Variants in STX6 observed in about 807,000 individuals in gnomAD.
The protein encoded by STX6 is syntaxin 6, also known as syntaxin-6.
STX6 carries 23 observed loss-of-function variants against 38.0 expected under a neutral mutation model. That is an observed-to-expected ratio of 0.60 (90% CI 0.43 to 0.86). STX6 has a LOEUF of 0.86. STX6 is among the 40% of genes least tolerant of loss of function. The pLI, the probability that STX6 is intolerant of heterozygous loss-of-function variation, is 0.00. For synonymous variants in STX6, 123 were observed against 107.5 expected, an observed-to-expected ratio of 1.14 and a Z score of -0.89; for missense variants, 274 against 312.9, an observed-to-expected ratio of 0.88 and a Z score of 0.94.
chr1:181,002,367 T>C (rs554710049), intron 3 of STX6, among the ~76,000 whole-genome samples: 2 of 152,146 alleles, frequency 1.3e-5, no homozygotes, highest in South Asian at 4.1e-4. Flanking sequence ...TTGCCCGGAC[T>C]GGTTTCAAAC....
At chr1:180,989,552 GA>G (rs1225295399) in intron 5 of STX6, among the ~76,000 whole-genome samples, 1 of 151,562 alleles carries the variant, frequency 6.6e-6, no homozygotes, top group Non-Finnish European at 1.5e-5. Context: ...AAAAATGAGA[GA>G]TCTTTCTGAA....
In STX6 at chr1:181,022,644, C is replaced by T; in HGVS notation, c.30G>A (p.Val10=). Residue 10 remains valine (V), a synonymous_variant, in exon 1 of 8, where the codon GTG becomes GTA. Coordinates refer to ENST00000258301, the MANE Select transcript of STX6 (RefSeq NM_005819.6). ...AGCGCTCGGCCGACACTCACCCTTT[C>T]ACCACAAAGAAGGGGTCCTCCATGG... MSMEDPFFV[V]KGEVQKAVNT... The T allele has an allele frequency of 6.2e-7, 1 of 1,610,590 alleles. No individual in the cohort carries two copies. Among genetic ancestry groups the T allele is most frequent in the Middle Eastern group, 1.7e-4 (1 of 6,058 alleles).
In STX6 at chr1:181,002,679, C is replaced by T; in HGVS notation, c.227G>A (p.Arg76Lys). The change falls in exon 3 of 8, where the codon AGA becomes AAA. Residue 76 changes from arginine (R) to lysine (K), a missense_variant. By Grantham distance (26) the Arg-to-Lys change is conservative. Transcript: ENST00000258301. Reference sequence around the variant, plus strand: ...TTCAGTTGCATCAAGGTTAAATTTTCTAGGATTTGCTTCAACTATGCGTAG... The same window carrying T: ...TTCAGTTGCATCAAGGTTAAATTTTTTAGGATTTGCTTCAACTATGCGTAG... ...ETISIVEANP[R>K]KFNLDATELS... 1 of 1,613,382 alleles carries T rather than the reference C, an allele frequency of 6.2e-7. No individual in the cohort carries two copies. The highest frequency in any genetic ancestry group is 8.5e-7 in the Non-Finnish European group (1 of 1,179,502).
chr1:181,020,239 A>G (rs776582897), intron 1 of STX6, among the ~76,000 whole-genome samples: 1 of 152,178 alleles, frequency 6.6e-6, no homozygotes, highest in African/African-American at 2.4e-5. Flanking sequence ...TATTTAATGA[A>G]CTTTAAATAC....
intron 5 of STX6, 165 bp from the exon 6 acceptor site, chr1:180,988,510 C>T (rs1276189612): frequency 7.0e-6 from 4 of 570,438 alleles, no homozygotes; most frequent in Non-Finnish European, 6.3e-6. Flanking sequence ...GAACACACTG[C>T]TCAAAAGGCT....
chr1:181,020,125 G>C (rs185310341), intron 1 of STX6, among the ~76,000 whole-genome samples: 3 of 152,144 alleles, frequency 2.0e-5, no homozygotes, highest in Admixed American at 2.0e-4. Context: ...TGAGGTGCAA[G>C]AATCGCTTGA....
intron 1 of STX6, 56 bp downstream of exon 1, chr1:181,022,583 G>C: frequency 6.4e-7 from 1 of 1,568,080 alleles, no homozygotes; most frequent in South Asian, 1.2e-5. Flanking sequence ...CCTAGGAGGT[G>C]CGGGCAGGCA....
At chr1:180,978,314 C>G (rs1178626159) in intron 7 of STX6, among the ~76,000 whole-genome samples, 1 of 152,162 alleles carries the variant, frequency 6.6e-6, no homozygotes, top group Non-Finnish European at 1.5e-5. Context: ...CAGATGCATA[C>G]AGAGAATCAC....
rs890250725 is a variant in STX6 at position 181,006,991 on chromosome 1, C to T, written c.36-1528G>A. Among the ~76,000 whole-genome samples, 25 of 152,160 alleles carry T rather than the reference C, an allele frequency of 1.6e-4. 1 individual carries two copies. The highest frequency in any genetic ancestry group is 5.1e-4 in the African/African-American group (21 of 41,436). ...AGACTTTCAGTGCTAATGAGAAACC[C>T]TATTTAAGATAAAATGGGGAAGAAT... On this transcript the variant is annotated intron_variant, in intron 1 of 7. Transcript: ENST00000258301.
At chr1:180,988,197 C>T in intron 6 of STX6, 42 bp downstream of exon 6, 1 of 1,466,018 alleles carries the variant, frequency 6.8e-7, no homozygotes, top group Non-Finnish European at 9.6e-7. Flanking sequence ...ATGGCTCTGC[C>T]CCTCAATTTC....
intron 7 of STX6, among the ~76,000 whole-genome samples, chr1:180,978,529 C>T (rs1399985663): frequency 6.6e-6 from 1 of 152,178 alleles, no homozygotes; most frequent in African/African-American, 2.4e-5. Context: ...AGGAGCTTGA[C>T]CAGGTTCTCA....
intron 3 of STX6, among the ~76,000 whole-genome samples, chr1:181,001,724 G>A (rs753148401): frequency 2.6e-5 from 4 of 152,190 alleles, no homozygotes; most frequent in Admixed American, 1.3e-4. Context: ...CAATTGTTTT[G>A]TTCGTCAAGA....
chr1:180,978,445 AAAAC>A (rs748767358), intron 7 of STX6, among the ~76,000 whole-genome samples: 6 of 152,312 alleles, frequency 3.9e-5, no homozygotes, highest in Middle Eastern at 6.8e-3. Flanking sequence ...TCTGAGATGA[AAAAC>A]AAACAAACAA....
At chr1:181,002,746 A>C in intron 2 of STX6, 46 bp from the exon 3 acceptor site, 1 of 1,311,020 alleles carries the variant, frequency 7.6e-7, no homozygotes, top group Non-Finnish European at 1.1e-6. Context: ...TCAAAGCCTG[A>C]CAACATCCTG....
In STX6 at chr1:181,009,845, G is replaced by A. The variant is rs572700023; in HGVS notation, c.36-4382C>T. Among the ~76,000 whole-genome samples the A allele has an allele frequency of 4.0e-5, 6 of 149,440 alleles. No homozygotes were observed. The South Asian group carries it at 8.3e-4, about 21-fold the overall frequency. ...ACAACCCACATGTCCTTCAACTAAT[G>A]AGTGGATAAACTGTAGTATATATGT... is the stretch of plus-strand genomic sequence containing the variant. On this transcript the variant is annotated intron_variant, in intron 1 of 7. Transcript: ENST00000258301.
At chr1:180,997,361 CT>C (rs1028206209) in intron 3 of STX6, among the ~76,000 whole-genome samples, 3 of 152,142 alleles carry the variant, frequency 2.0e-5, no homozygotes, top group African/African-American at 7.2e-5. Context: ...CTGAATTTTA[CT>C]TTAATTAATT....
Position 181,005,416 on chromosome 1 carries a change from C to T in STX6, c.83G>A (p.Trp28Ter), listed in dbSNP as rs745351491. The T allele has an allele frequency of 1.5e-5, 24 of 1,613,886 alleles. No homozygotes were observed. The highest frequency in any genetic ancestry group is 1.9e-5 in the Non-Finnish European group (23 of 1,179,922). ...GGAGGGGTCCTGGAGGAGCTCTGTC[C>T]ATCTCTGAAACAATCCCTGGGCAGT... Reference protein sequence around the residue: ...VNTAQGLFQRWTELLQDPSTA... With the variant: ...VNTAQGLFQR The change falls in exon 2 of 8, where the codon TGG (tryptophan) becomes TAG (stop). Residue 28 changes from tryptophan to a stop codon, truncating the protein, a stop_gained. Transcript: ENST00000258301. LOFTEE classifies it high-confidence loss of function.
chr1:181,018,550 T>C (rs2102336026), intron 1 of STX6, among the ~76,000 whole-genome samples: 1 of 151,814 alleles, frequency 6.6e-6, no homozygotes. Flanking sequence ...AAGTTGAAGT[T>C]TTTTACTAAG....
At chr1:180,991,763 C>T (rs1310272713) in intron 4 of STX6, among the ~76,000 whole-genome samples, 2 of 152,154 alleles carry the variant, frequency 1.3e-5, no homozygotes, top group Non-Finnish European at 2.9e-5. Flanking sequence ...GCACCTGGCA[C>T]AACGTGGCAA....
Sources: allele counts gnomAD v4.1 joint callset (sites outside exome capture counted in the v4.1 genomes callset), GRCh38; gene constraint gnomAD v4.1.1; transcripts MANE v1.5; gene names NCBI Gene and HGNC (gene_info 2026-07-23, HGNC 2026-07-21).